CPEB1: variants seen among roughly 807,000 people sequenced by gnomAD.
The protein encoded by CPEB1 is cytoplasmic polyadenylation element binding protein 1, also known as cytoplasmic polyadenylation element-binding protein 1.
In CPEB1, 7 loss-of-function variants were observed where a neutral mutation model predicts 65.8. The ratio of observed to expected loss-of-function variants is 0.11; its 90% CI spans 0.06 to 0.20. CPEB1 has a LOEUF of 0.20. Ranked by LOEUF, CPEB1 falls within the 10% of genes least tolerant of loss-of-function variation. The pLI, the probability that CPEB1 is intolerant of heterozygous loss-of-function variation, is 1.00. For synonymous variants in CPEB1, 262 were observed against 260.0 expected (o/e 1.01, Z -0.08); for missense variants, 551 against 712.2 (o/e 0.77, Z 2.58).
At chr15:82,560,785 G>A (rs2038062420) in intron 4 of CPEB1, among the ~76,000 whole-genome samples, 1 of 152,186 alleles carries the variant, frequency 6.6e-6, no homozygotes, top group South Asian at 2.1e-4. Flanking sequence ...GGGAAACTAA[G>A]GAAAAGCACC....
intron 1 of CPEB1, among the ~76,000 whole-genome samples, chr15:82,636,660 T>C (rs1035121787): frequency 2.0e-5 from 3 of 152,220 alleles, no homozygotes; most frequent in South Asian, 2.1e-4. Context: ...CTGTATGGAC[T>C]GTAAGCTCAC....
At chr15:82,625,172 A>G (rs1326319110) in intron 3 of CPEB1, among the ~76,000 whole-genome samples, 3 of 152,332 alleles carry the variant, frequency 2.0e-5, no homozygotes, top group African/African-American at 7.2e-5. Flanking sequence ...GGAGAAAAAC[A>G]GAACATGTAT....
At chr15:82,622,157 G>A (rs2045359241) in intron 3 of CPEB1, among the ~76,000 whole-genome samples, 1 of 152,090 alleles carries the variant, frequency 6.6e-6, no homozygotes, top group African/African-American at 2.4e-5. Context: ...TAGGGAATGT[G>A]GAGAGGGCCC....
chr15:82,580,873 A>G (rs565710916), intron 3 of CPEB1, among the ~76,000 whole-genome samples: 2 of 148,318 alleles, frequency 1.3e-5, no homozygotes, highest in East Asian at 2.0e-4. Flanking sequence ...TTTTTTTGAG[A>G]CAGGGTCTCC....
chr15:82,563,390 G>T (rs2038580071), intron 4 of CPEB1, among the ~76,000 whole-genome samples: 1 of 140,026 alleles, frequency 7.1e-6, no homozygotes, highest in African/African-American at 2.7e-5. Context: ...TTGAGCAAGG[G>T]TCTCCCTCTG....
intron 1 of CPEB1, among the ~76,000 whole-genome samples, chr15:82,631,735 C>G (rs1251405779): frequency 1.3e-5 from 2 of 152,128 alleles, no homozygotes; most frequent in African/African-American, 4.8e-5. Flanking sequence ...CCTGGTACCC[C>G]CTAACTCTTC....
At chr15:82,592,863 G>T (rs1375981070) in intron 3 of CPEB1, among the ~76,000 whole-genome samples, 1 of 151,826 alleles carries the variant, frequency 6.6e-6, no homozygotes, top group East Asian at 2.0e-4. Flanking sequence ...CGGGCATGGT[G>T]GCACATGCCT....
At chr15:82,591,876 T>G (rs2042284833) in intron 3 of CPEB1, among the ~76,000 whole-genome samples, 1 of 151,176 alleles carries the variant, frequency 6.6e-6, no homozygotes, top group African/African-American at 2.4e-5. Context: ...AGGGTCTTAA[T>G]CTGTCACCCA....
intron 3 of CPEB1, among the ~76,000 whole-genome samples, chr15:82,623,337 T>C (rs551706176): frequency 1.2e-4 from 19 of 152,304 alleles, no homozygotes; most frequent in African/African-American, 4.1e-4. Flanking sequence ...TGAAAATTTA[T>C]TACAAAATGT....
At chr15:82,620,540 A>AT (rs2151291862) in intron 3 of CPEB1, among the ~76,000 whole-genome samples, 1 of 152,258 alleles carries the variant, frequency 6.6e-6, no homozygotes, top group Non-Finnish European at 1.5e-5. Context: ...GCTCATGCCT[A>AT]TAATCCCAAC....
At chr15:82,544,725 A>C in intron 12 of CPEB1, 23 bp from the exon 13 acceptor site, 3 of 1,563,962 alleles carry the variant, frequency 1.9e-6, no homozygotes, top group Non-Finnish European at 2.6e-6. Context: ...AACAAAAAGG[A>C]GGATGCCATG....
At chr15:82,621,067 C>CAT (rs1325964647) in intron 3 of CPEB1, among the ~76,000 whole-genome samples, 2 of 152,312 alleles carry the variant, frequency 1.3e-5, no homozygotes, top group Non-Finnish European at 2.9e-5. Flanking sequence ...AACAAGACTT[C>CAT]ATGAGAGTAA....
chr15:82,562,290 G>A, intron 4 of CPEB1: 1 of 441,208 alleles, frequency 2.3e-6, no homozygotes, highest in Non-Finnish European at 4.5e-6. Flanking sequence ...CCCTGCTTTA[G>A]GACCTAGAGT....
chr15:82,638,667 A>C (rs149112094), intron 1 of CPEB1: 1 of 152,342 alleles, frequency 6.6e-6, no homozygotes, highest in Non-Finnish European at 1.5e-5. Context: ...TCAAAGGAAA[A>C]AAAGAGGCTT....
chr15:82,647,356 C>A lies in CPEB1; in HGVS notation c.-317G>T, dbSNP rs1196072387. ...ACCGCCGCCGTCGTGGGGCTCTCCA[C>A]AGAGCACGGGGTCTACGCCGTCAGC... On this transcript the variant is annotated 5_prime_UTR_variant, in exon 1 of 13. Coordinates refer to ENST00000684509, the MANE Select transcript of CPEB1 (RefSeq NM_001365242.1). 1 of 153,956 alleles carries A rather than the reference C, an allele frequency of 6.5e-6. No individual in the cohort carries two copies. The highest frequency in any genetic ancestry group is 2.4e-5 in the African/African-American group (1 of 41,554). The allele number at this position is 153,956 out of a possible 1,614,324, so 9.5% of individuals were successfully genotyped here. A position where few individuals can be genotyped will look rare whatever the true frequency, so the allele number is the denominator to read the frequency against.
intron 4 of CPEB1, among the ~76,000 whole-genome samples, chr15:82,565,530 A>G (rs1306685011): frequency 1.3e-5 from 2 of 152,234 alleles, no homozygotes. Context: ...ATTCTCTTTA[A>G]GCCACACAAA....
intron 3 of CPEB1, among the ~76,000 whole-genome samples, chr15:82,610,446 C>G (rs1448257627): frequency 6.6e-6 from 1 of 151,974 alleles, no homozygotes; most frequent in Non-Finnish European, 1.5e-5. Flanking sequence ...AATCTAAATG[C>G]AGTGGCATCT....
chr15:82,566,986 TAAA>T (rs1180081342), intron 4 of CPEB1, among the ~76,000 whole-genome samples: 1 of 152,042 alleles, frequency 6.6e-6, no homozygotes, highest in African/African-American at 2.4e-5. Context: ...ACTCTGCAGT[TAAA>T]AAACAACCAG....
At chr15:82,575,093 A>G (rs948282845) in intron 3 of CPEB1, among the ~76,000 whole-genome samples, 1 of 152,234 alleles carries the variant, frequency 6.6e-6, no homozygotes, top group African/African-American at 2.4e-5. Context: ...ATGGATACTC[A>G]AAGTACAATT....
Sources: gnomAD v4.1 joint callset for allele counts (sites outside exome capture counted in the v4.1 genomes callset) on GRCh38, gnomAD v4.1.1 for gene constraint, MANE v1.5 for transcripts, NCBI Gene and HGNC (gene_info 2026-07-23, HGNC 2026-07-21) for gene names.